FBXL17: variants seen among roughly 807,000 people sequenced by gnomAD.
The protein encoded by FBXL17 is F-box/LRR-repeat protein 17.
In FBXL17, 22 loss-of-function variants were observed where a neutral mutation model predicts 66.2. The observed-to-expected ratio is 0.33, with a 90% CI of 0.24 to 0.47. FBXL17 has a LOEUF of 0.47. Ranked by LOEUF, FBXL17 falls within the 20% of genes least tolerant of loss-of-function variation. The pLI, the probability that FBXL17 is intolerant of heterozygous loss-of-function variation, is 1.00. For synonymous variants in FBXL17, 474 were observed against 400.5 expected, an observed-to-expected ratio of 1.18 and a Z score of -2.19; for missense variants, 878 against 948.2, an observed-to-expected ratio of 0.93 and a Z score of 0.97.
chr5:108,109,147 G>A (rs1430365002), intron 6 of FBXL17, among the ~76,000 whole-genome samples: 3 of 152,280 alleles, frequency 2.0e-5, no homozygotes, highest in Non-Finnish European at 4.4e-5. Context: ...AAATACCTGA[G>A]ATTTACAAAA....
intron 7 of FBXL17, among the ~76,000 whole-genome samples, chr5:107,973,219 A>C (rs1300234227): frequency 6.6e-6 from 1 of 152,206 alleles, no homozygotes; most frequent in African/African-American, 2.4e-5. Context: ...GAGCAAAGCT[A>C]GCCTTTTCAG....
chr5:108,247,563 A>G (rs1756159482), intron 4 of FBXL17, among the ~76,000 whole-genome samples: 2 of 152,290 alleles, frequency 1.3e-5, no homozygotes, highest in East Asian at 3.9e-4. Flanking sequence ...TATCATTGTT[A>G]AGACATAACT....
intron 6 of FBXL17, among the ~76,000 whole-genome samples, chr5:108,142,309 G>A (rs893478654): frequency 2.0e-5 from 3 of 152,108 alleles, no homozygotes; most frequent in Non-Finnish European, 4.4e-5. Context: ...TTTGCAAATA[G>A]TAATTTTTTT....
intron 6 of FBXL17, among the ~76,000 whole-genome samples, chr5:108,166,357 C>T (rs1561443365): frequency 6.6e-6 from 1 of 152,222 alleles, no homozygotes; most frequent in Non-Finnish European, 1.5e-5. Context: ...AGGCAGTCCA[C>T]AGTGCCCTCC....
intron 6 of FBXL17, among the ~76,000 whole-genome samples, chr5:108,126,431 A>C (rs1750699412): frequency 6.6e-6 from 1 of 152,074 alleles, no homozygotes. Context: ...AAGCCTAAAA[A>C]TTTCATCCAA....
chr5:108,344,537 C>T (rs1747124936), intron 4 of FBXL17, among the ~76,000 whole-genome samples: 1 of 152,130 alleles, frequency 6.6e-6, no homozygotes, highest in Non-Finnish European at 1.5e-5. Flanking sequence ...TACAGATCTA[C>T]ATCAAAAATA....
At chr5:108,189,012 A>G (rs941072775) in intron 5 of FBXL17, among the ~76,000 whole-genome samples, 4 of 152,212 alleles carry the variant, frequency 2.6e-5, no homozygotes, top group African/African-American at 7.2e-5. Flanking sequence ...TGTGATCTGC[A>G]TGTGGTGGGC....
chr5:108,198,780 A>G (rs1364397019), intron 5 of FBXL17, among the ~76,000 whole-genome samples: 2 of 152,182 alleles, frequency 1.3e-5, no homozygotes, highest in Non-Finnish European at 2.9e-5. Context: ...ATTATACTCA[A>G]TGTTATAAGC....
chr5:108,176,703 G>T (rs1231357160), intron 6 of FBXL17, among the ~76,000 whole-genome samples: 1 of 151,932 alleles, frequency 6.6e-6, no homozygotes, highest in Non-Finnish European at 1.5e-5. Flanking sequence ...AAATACTCTG[G>T]TGTTACATAG....
intron 7 of FBXL17, among the ~76,000 whole-genome samples, chr5:107,908,221 T>A (rs1307744731): frequency 6.6e-6 from 1 of 152,170 alleles, no homozygotes; most frequent in African/African-American, 2.4e-5. Flanking sequence ...ATAACCAACA[T>A]GATTCTACCT....
rs1328760908 is a variant in FBXL17, at chr5:108,314,224, A to G, written c.1506+34175T>C. ...AACATATTTTCACATTCTTCTGAATATATTTTCTCTTGAACTGTGATAAAA... is the reference window on the plus strand; with the variant it reads ...AACATATTTTCACATTCTTCTGAATGTATTTTCTCTTGAACTGTGATAAAA... On this transcript the variant is annotated intron_variant, in intron 4 of 8. Coordinates refer to ENST00000542267, the MANE Select transcript of FBXL17 (RefSeq NM_001163315.3). Among the ~76,000 whole-genome samples the G allele has an allele frequency of 2.6e-5, 4 of 151,768 alleles. No individual in the cohort carries two copies. The South Asian group carries it at 6.2e-4, about 24-fold the overall frequency.
intron 4 of FBXL17, among the ~76,000 whole-genome samples, chr5:108,280,218 GA>G (rs1561504069): frequency 1.3e-5 from 2 of 151,812 alleles, no homozygotes; most frequent in East Asian, 3.8e-4. Context: ...TCTGAAAACA[GA>G]AAGAAAAAAA....
intron 4 of FBXL17, among the ~76,000 whole-genome samples, chr5:108,255,754 C>T (rs1261397966): frequency 6.6e-6 from 1 of 152,064 alleles, no homozygotes; most frequent in African/African-American, 2.4e-5. Flanking sequence ...ACCTCTGCCC[C>T]ATCACAGGTA....
intron 6 of FBXL17, among the ~76,000 whole-genome samples, chr5:108,139,223 G>A (rs1751259416): frequency 6.6e-6 from 1 of 152,222 alleles, no homozygotes; most frequent in East Asian, 1.9e-4. Flanking sequence ...CAGTGTTTAA[G>A]TAACGGAGGA....
intron 4 of FBXL17, among the ~76,000 whole-genome samples, chr5:108,309,448 T>G (rs1223929662): frequency 6.6e-6 from 1 of 152,016 alleles, no homozygotes; most frequent in Non-Finnish European, 1.5e-5. Flanking sequence ...AAGGCTATTT[T>G]CATCTTTTTA....
At chr5:108,287,540 G>A (rs1412643024) in intron 4 of FBXL17, among the ~76,000 whole-genome samples, 1 of 150,782 alleles carries the variant, frequency 6.6e-6, no homozygotes, top group Non-Finnish European at 1.5e-5. Flanking sequence ...AATCATTAGA[G>A]AATGCAAAGA....
At chr5:108,186,490 G>C (rs1753237483) in intron 5 of FBXL17, among the ~76,000 whole-genome samples, 2 of 148,670 alleles carry the variant, frequency 1.3e-5, no homozygotes, top group East Asian at 3.9e-4. Context: ...AAGTAGATTT[G>C]GCCAGGCGCG....
chr5:107,896,579 T>C lies in FBXL17; in HGVS notation c.1823-15400A>G, dbSNP rs77733761. ...CTCTTGCAGTTCTTGTCTATTTTTT[T>C]ATCATGTTTAATGCAATACTGTAAA... is the stretch of plus-strand genomic sequence containing the variant. On this transcript the variant is annotated intron_variant, in intron 7 of 8. Transcript: ENST00000542267. 3.9e-3 allele frequency among the ~76,000 whole-genome samples: 596 copies of C among 152,284 alleles called. 4 individuals are homozygous for C. Among genetic ancestry groups the C allele is most frequent in the African/African-American group, 0.013 (560 of 41,570 alleles).
chr5:108,216,804 G>A (rs1754619175), intron 5 of FBXL17, among the ~76,000 whole-genome samples: 1 of 152,086 alleles, frequency 6.6e-6, no homozygotes, highest in African/African-American at 2.4e-5. Context: ...CTAGCACGGG[G>A]TGTTATACCT....
Sources: gnomAD v4.1 joint callset for allele counts (sites outside exome capture counted in the v4.1 genomes callset) on GRCh38, gnomAD v4.1.1 for gene constraint, MANE v1.5 for transcripts, NCBI Gene and HGNC (gene_info 2026-07-23, HGNC 2026-07-21) for gene names.